The following VDAC1 variants were observed in gnomAD, a reference collection of about 807,000 sequenced individuals.
The protein encoded by VDAC1 is non-selective voltage-gated ion channel VDAC1.
VDAC1 carries 10 observed loss-of-function variants against 34.7 expected under a neutral mutation model. The ratio of observed to expected loss-of-function variants is 0.29; its 90% CI spans 0.18 to 0.49. The LOEUF (loss-of-function observed/expected upper bound fraction) is 0.49. VDAC1 is among the 20% of genes least tolerant of loss of function. VDAC1 has a pLI of 0.99. For missense variants in VDAC1, 230 were observed against 347.9 expected (o/e 0.66, Z 2.69); for synonymous variants, 130 against 136.0 (o/e 0.96, Z 0.30).
chr5:134,058,445 C>G, the VDAC1 span, among the ~76,000 whole-genome samples: 1 of 152,040 alleles, frequency 6.6e-6, no homozygotes, highest in Non-Finnish European at 1.5e-5. Flanking sequence ...TCCCAAGTAG[C>G]TGGGACTACA....
chr5:134,040,564 G>A, the VDAC1 span, among the ~76,000 whole-genome samples: 1 of 150,714 alleles, frequency 6.6e-6, no homozygotes, highest in Non-Finnish European at 1.5e-5. Flanking sequence ...GACAGAGTGA[G>A]ACTCCGTCTC....
At chr5:133,988,659 G>T (rs1465563865) in intron 5 of VDAC1, 1 of 152,058 alleles carries the variant, frequency 6.6e-6, no homozygotes, top group East Asian at 1.9e-4. Context: ...AGCTACTTGG[G>T]AGGCTGAGGC....
the VDAC1 span, among the ~76,000 whole-genome samples, chr5:134,037,404 T>C: frequency 2.8e-4 from 42 of 152,342 alleles, no homozygotes; most frequent in Middle Eastern, 3.4e-3. Flanking sequence ...ACCTAGTGCA[T>C]TAGGGCTTGC....
chr5:134,044,664 C>T, the VDAC1 span, among the ~76,000 whole-genome samples: 135,469 of 151,862 alleles, frequency 0.89, 60,671 homozygotes, highest in African/African-American at 0.97. Context: ...TGTGTGTGTG[C>T]GCGCGCGCAC....
chr5:134,067,315 C>T, the VDAC1 span, among the ~76,000 whole-genome samples: 23 of 150,704 alleles, frequency 1.5e-4, no homozygotes, highest in Non-Finnish European at 2.2e-4. Flanking sequence ...CCTCAGGTGA[C>T]ATGCCCACCT....
At chr5:134,009,946 G>T (rs1030531652), upstream of VDAC1, among the ~76,000 whole-genome samples, 1 of 152,220 alleles carries the variant, frequency 6.6e-6, no homozygotes, top group Non-Finnish European at 1.5e-5. Context: ...CTCCCAAAGT[G>T]CTGGGATTAC....
the VDAC1 span, among the ~76,000 whole-genome samples, chr5:134,113,941 C>G: frequency 0.019 from 2,875 of 152,282 alleles, 96 homozygotes; most frequent in African/African-American, 0.065. Context: ...CTCCGGGCTG[C>G]AGGTTCTAGT....
At chr5:134,080,880 A>T in the VDAC1 span, among the ~76,000 whole-genome samples, 15 of 151,962 alleles carry the variant, frequency 9.9e-5, no homozygotes, top group African/African-American at 2.9e-4. Context: ...TTTTTATTTT[A>T]TTTATTTATT....
the VDAC1 span, among the ~76,000 whole-genome samples, chr5:134,083,437 G>T: frequency 1.3e-5 from 2 of 152,158 alleles, no homozygotes; most frequent in African/African-American, 4.8e-5. Flanking sequence ...TGATTCGCCA[G>T]CCTTGGCCTC....
At chr5:134,031,865 C>T in the VDAC1 span, among the ~76,000 whole-genome samples, 5 of 150,548 alleles carry the variant, frequency 3.3e-5, no homozygotes, top group Non-Finnish European at 7.4e-5. Flanking sequence ...GCAGGAGAAT[C>T]GCTTGAACCT....
At position 133,972,334 on chromosome 5, in the gene VDAC1, T is replaced by C. The variant is rs1036724827; in HGVS notation, c.*437A>G. On this transcript the variant is annotated 3_prime_UTR_variant, in exon 9 of 9. Transcript: ENST00000265333. The stretch of plus-strand genomic sequence containing the variant: ...CTGGGGTGGGAACAGGTCATGAAGA[T>C]CTGTCTAAAAAAGTCCCATTCAGGT... 2.4e-5 allele frequency: 8 copies of C among 331,272 alleles called. No homozygotes were observed. Among genetic ancestry groups the C allele is most frequent in the South Asian group, 1.5e-4 (1 of 6,786 alleles). 20.5% of individuals were successfully genotyped at this position (331,272 alleles called of 1,614,324 possible).
chr5:134,040,866 A>C, the VDAC1 span, among the ~76,000 whole-genome samples: 1 of 152,208 alleles, frequency 6.6e-6, no homozygotes, highest in Admixed American at 6.5e-5. Context: ...TTCTCCCTGA[A>C]TTACTTTAAC....
chr5:134,017,919 A>G, the VDAC1 span, among the ~76,000 whole-genome samples: 1 of 152,252 alleles, frequency 6.6e-6, no homozygotes, highest in Non-Finnish European at 1.5e-5. Context: ...TCTCAAAAAA[A>G]TAAATAAAAA....
rs550006229 is a variant in VDAC1 at position 133,977,335 on chromosome 5, T to G, written c.552-1314A>C. 1.1e-3 allele frequency among the ~76,000 whole-genome samples: 170 copies of G among 152,330 alleles called. 1 individual carries two copies. Among genetic ancestry groups the G allele is most frequent in the Middle Eastern group, 3.4e-3 (1 of 294 alleles). ...CTGGCAGGATTTGAAAGGGAGCTTT[T>G]TGCTACATCATAAAATGTCTCCCTC... On this transcript the variant is annotated intron_variant, in intron 6 of 8. Coordinates refer to ENST00000265333, the MANE Select transcript of VDAC1 (RefSeq NM_003374.3).
the VDAC1 span, among the ~76,000 whole-genome samples, chr5:134,083,912 G>A: frequency 1.3e-5 from 2 of 152,226 alleles, no homozygotes; most frequent in African/African-American, 4.8e-5. Flanking sequence ...AGGTGGAGTG[G>A]TGCAGAGGTC....
chr5:134,017,879 C>T, the VDAC1 span, among the ~76,000 whole-genome samples: 1 of 152,200 alleles, frequency 6.6e-6, no homozygotes, highest in Non-Finnish European at 1.5e-5. Context: ...TGCCACTGCA[C>T]TCCAGCCTGG....
At chr5:134,093,117 T>C in the VDAC1 span, among the ~76,000 whole-genome samples, 1 of 152,232 alleles carries the variant, frequency 6.6e-6, no homozygotes, top group African/African-American at 2.4e-5. Context: ...TTGGCAAGCC[T>C]GCATGTACTT....
intron 1 of VDAC1, among the ~76,000 whole-genome samples, chr5:134,001,559 T>TA (rs1046972163): frequency 3.5e-4 from 53 of 150,958 alleles, no homozygotes; most frequent in Middle Eastern, 6.4e-3. Context: ...TACTAAAAAA[T>TA]ACAAAAAAAT....
intron 3 of VDAC1, among the ~76,000 whole-genome samples, chr5:133,991,720 T>C (rs921394736): frequency 6.6e-6 from 1 of 151,540 alleles, no homozygotes; most frequent in Non-Finnish European, 1.5e-5. Context: ...GGAATGAATG[T>C]GAAAACCACA....
Sources: allele counts gnomAD v4.1 joint callset (sites outside exome capture counted in the v4.1 genomes callset), GRCh38; gene constraint gnomAD v4.1.1; transcripts MANE v1.5; gene names NCBI Gene and HGNC (gene_info 2026-07-23, HGNC 2026-07-21).